The following PTPRT variants were observed in gnomAD, a reference collection of about 807,000 sequenced individuals.
PTPRT encodes receptor-type tyrosine-protein phosphatase T.
A neutral mutation model predicts 176.8 loss-of-function variants in PTPRT; 56 were observed. The observed-to-expected ratio is 0.32, with a 90% CI of 0.26 to 0.40. PTPRT has a LOEUF of 0.40. Among genes scored for constraint, PTPRT ranks in the 10% least tolerant of loss-of-function variants. The pLI, the probability that PTPRT is intolerant of heterozygous loss-of-function variation, is 1.00. For synonymous variants in PTPRT, 783 were observed against 739.0 expected (o/e 1.06, Z -0.96); for missense variants, 1,540 against 1,908.2 (o/e 0.81, Z 3.60).
the PTPRT span, among the ~76,000 whole-genome samples, chr20:42,040,616 T>G: frequency 6.6e-6 from 1 of 152,248 alleles, no homozygotes; most frequent in Admixed American, 6.5e-5. Flanking sequence ...AAGAAATGAG[T>G]GCAAAACAGT....
intron 8 of PTPRT, among the ~76,000 whole-genome samples, chr20:42,469,353 G>A (rs6102846): frequency 0.016 from 2,437 of 152,066 alleles, 69 homozygotes; most frequent in African/African-American, 0.056. Flanking sequence ...ACAGGCATGT[G>A]CCACCATGCC....
Position 43,189,694 on chromosome 20 carries a change from T to C in PTPRT, c.40A>G (p.Arg14Gly). 1 of 1,319,204 alleles carries C rather than the reference T, an allele frequency of 7.6e-7. No homozygotes were observed. Among genetic ancestry groups the C allele is most frequent in the Non-Finnish European group, 9.7e-7 (1 of 1,034,524 alleles). The allele number at this position is 1,319,204 out of a possible 1,614,324, so 81.7% of individuals were successfully genotyped here. A position where few individuals can be genotyped will look rare whatever the true frequency, so the allele number is the denominator to read the frequency against. ...LAALALSLLLRLQLPPLPGAR... is the reference protein window; with the variant it reads ...LAALALSLLLGLQLPPLPGAR... ...CCGGGCAGTGGCGGCAGCTGCAGCC[T>C]CAGGAGCAGGCTGAGGGCGAGCGCG... Residue 14 changes from arginine to glycine, a missense_variant, in exon 1 of 31, where the codon AGG (arginine) becomes GGG (glycine). Physicochemically the swap from Arg to Gly is moderately radical, Grantham distance 125. Coordinates refer to ENST00000373187, the MANE Select transcript of PTPRT (RefSeq NM_007050.6). The surrounding 1 kb of genome is among the most constrained non-coding windows in gnomAD (Gnocchi z 5.0).
chr20:43,020,948 A>T (rs565808798), intron 1 of PTPRT, among the ~76,000 whole-genome samples: 91 of 152,258 alleles, frequency 6.0e-4, no homozygotes, highest in Non-Finnish European at 9.1e-4. Flanking sequence ...GTTGTACAAT[A>T]AAGCTCACGT....
chr20:43,185,688 C>T (rs1456618604), intron 1 of PTPRT, among the ~76,000 whole-genome samples: 4 of 152,180 alleles, frequency 2.6e-5, no homozygotes, highest in Admixed American at 1.3e-4. Flanking sequence ...AATCCCAGCA[C>T]TTTGGGAGGC....
chr20:42,690,660 G>A (rs1254437566), intron 6 of PTPRT, among the ~76,000 whole-genome samples: 1 of 152,160 alleles, frequency 6.6e-6, no homozygotes, highest in East Asian at 1.9e-4. Context: ...TCCAAACTAT[G>A]CCCAATACAC....
At chr20:42,460,458 C>A (rs2070998906) in intron 8 of PTPRT, among the ~76,000 whole-genome samples, 1 of 152,170 alleles carries the variant, frequency 6.6e-6, no homozygotes, top group South Asian at 2.1e-4. Context: ...TAAGACCTGG[C>A]CAACCTCTGG....
chr20:42,809,831 C>T (rs2077669903), intron 2 of PTPRT, among the ~76,000 whole-genome samples: 1 of 152,130 alleles, frequency 6.6e-6, no homozygotes, highest in Non-Finnish European at 1.5e-5. Flanking sequence ...ATCCTTAACT[C>T]AACTGCATCT....
At chr20:42,571,312 G>A (rs746873207) in intron 7 of PTPRT, among the ~76,000 whole-genome samples, 2 of 152,186 alleles carry the variant, frequency 1.3e-5, no homozygotes, top group Non-Finnish European at 2.9e-5. Flanking sequence ...TAGAGAAGAG[G>A]AAGAGAGTTG....
chr20:42,097,010 C>G (rs1568925182), intron 27 of PTPRT, among the ~76,000 whole-genome samples: 1 of 152,122 alleles, frequency 6.6e-6, no homozygotes, highest in Non-Finnish European at 1.5e-5. Context: ...AGGACTGACC[C>G]CTCTAAGGGC....
chr20:42,657,037 G>A (rs1477094294), intron 7 of PTPRT, among the ~76,000 whole-genome samples: 3 of 152,124 alleles, frequency 2.0e-5, no homozygotes, highest in Admixed American at 6.5e-5. Context: ...GGAGGTAATT[G>A]AATCATGGGA....
chr20:42,778,568 C>A (rs761466926), intron 4 of PTPRT, among the ~76,000 whole-genome samples: 2 of 152,160 alleles, frequency 1.3e-5, no homozygotes, highest in African/African-American at 2.4e-5. Context: ...ATGAGGAAGA[C>A]AGAAGGCATG....
chr20:42,347,655 A>G (rs933670855), intron 11 of PTPRT, among the ~76,000 whole-genome samples: 1 of 152,172 alleles, frequency 6.6e-6, no homozygotes, highest in Non-Finnish European at 1.5e-5. Context: ...ACCTCATGAC[A>G]TGATCCAGTC....
intron 12 of PTPRT, among the ~76,000 whole-genome samples, chr20:42,291,890 AT>A: frequency 6.6e-6 from 1 of 152,174 alleles, no homozygotes; most frequent in Non-Finnish European, 1.5e-5. Flanking sequence ...GGCAGGAAGA[AT>A]TGAAATTTCA....
intron 6 of PTPRT, among the ~76,000 whole-genome samples, chr20:42,740,737 G>A (rs1199809312): frequency 1.3e-5 from 2 of 152,184 alleles, no homozygotes; most frequent in East Asian, 3.9e-4. Context: ...CAGGTCCTGA[G>A]GCAACTGTCT....
At chr20:42,681,415 A>G (rs778682501) in intron 6 of PTPRT, among the ~76,000 whole-genome samples, 56 of 152,170 alleles carry the variant, frequency 3.7e-4, no homozygotes, top group Non-Finnish European at 3.2e-4. Flanking sequence ...CTGTGAAAGG[A>G]CCCAATCTGG....
At chr20:42,852,452 C>T (rs1164360463) in intron 2 of PTPRT, among the ~76,000 whole-genome samples, 1 of 152,142 alleles carries the variant, frequency 6.6e-6, no homozygotes, top group Non-Finnish European at 1.5e-5. Context: ...AAAAAACCTG[C>T]TAATTTTTTT....
At chr20:42,691,584 A>G (rs2425528) in intron 6 of PTPRT, among the ~76,000 whole-genome samples, 39,467 of 151,900 alleles carry the variant, frequency 0.26, 6,803 homozygotes, top group African/African-American at 0.49. Flanking sequence ...AAGAGATGAC[A>G]CCCTCCCTTA....
At chr20:43,159,370 A>T (rs1048398127) in intron 1 of PTPRT, among the ~76,000 whole-genome samples, 2 of 152,224 alleles carry the variant, frequency 1.3e-5, no homozygotes, top group Non-Finnish European at 2.9e-5. Flanking sequence ...CAGGGCACAC[A>T]CTGGCACCTG....
intron 2 of PTPRT, among the ~76,000 whole-genome samples, chr20:42,851,666 T>C (rs2078473421): frequency 6.6e-6 from 1 of 152,228 alleles, no homozygotes; most frequent in Admixed American, 6.5e-5. Context: ...AAGAGCTAGA[T>C]AGTAAATACT....
Sources: allele counts gnomAD v4.1 joint callset (sites outside exome capture counted in the v4.1 genomes callset), GRCh38; gene constraint gnomAD v4.1.1; non-coding constraint Gnocchi (gnomAD v3.1); transcripts MANE v1.5; gene names NCBI Gene and HGNC (gene_info 2026-07-23, HGNC 2026-07-21).